The following MAPK13 variants were observed in gnomAD, a reference collection of about 807,000 sequenced individuals.
MAPK13 encodes the protein mitogen-activated protein kinase 13.
A neutral mutation model predicts 53.5 loss-of-function variants in MAPK13; 39 were observed. That is an observed-to-expected ratio of 0.73 (90% CI 0.56 to 0.95). The LOEUF (loss-of-function observed/expected upper bound fraction) is 0.95, where lower values mean the gene tolerates loss of function less well. Among genes scored for constraint, MAPK13 ranks in the 40% least tolerant of loss-of-function variants. MAPK13 has a pLI of 0.00. For missense variants in MAPK13, 460 were observed against 471.8 expected, an observed-to-expected ratio of 0.98 and a Z score of 0.23; for synonymous variants, 179 against 190.9, an observed-to-expected ratio of 0.94 and a Z score of 0.51.
chr6:36,137,071 T>G, intron 8 of MAPK13, 121 bp downstream of exon 8: 5 of 842,716 alleles, frequency 5.9e-6, no homozygotes, highest in Non-Finnish European at 9.4e-6. Flanking sequence ...TGTAGAATAA[T>G]TTGTAAATGC....
rs1233921483 is a variant in MAPK13, at chr6:36,130,536, C to G, written c.-47C>G. 2.9e-6 allele frequency: 3 copies of G among 1,027,540 alleles called. 1 individual carries two copies. In the South Asian group the frequency reaches 4.3e-5, roughly 15 times the overall value. The allele number at this position is 1,027,540 out of a possible 1,614,324, so 63.7% of individuals were successfully genotyped here. ...TCGGGGCGCTGGGAGCCCGTTGGGCCGCGAACGCAGCCGCCACGCTGGGGC... is the reference window on the plus strand; with the variant it reads ...TCGGGGCGCTGGGAGCCCGTTGGGCGGCGAACGCAGCCGCCACGCTGGGGC... On this transcript the variant is annotated 5_prime_UTR_variant, in exon 1 of 12. Transcript: ENST00000211287. This position sits in a 1 kb window ranked among gnomAD's most constrained non-coding sequence, Gnocchi z 4.5.
At position 36,141,709 on chromosome 6, in the gene MAPK13, G is replaced by C. The variant is rs983126729; in HGVS notation, c.*2336G>C. On this transcript the variant is annotated 3_prime_UTR_variant, in exon 12 of 12. Transcript: ENST00000211287. ...AAAACAAATACCCTGAGGACACAGA[G>C]ACATTGGGTCAGACACCCACAGCTA... The C allele has an allele frequency of 6.6e-6, 1 of 152,642 alleles. No homozygotes were observed. Among genetic ancestry groups the C allele is most frequent in the Non-Finnish European group, 1.5e-5 (1 of 68,406 alleles). The allele number at this position is 152,642 out of a possible 1,614,324, so 9.5% of individuals were successfully genotyped here.
chr6:36,133,696 G>A (rs1766361256), intron 3 of MAPK13, among the ~76,000 whole-genome samples: 1 of 152,196 alleles, frequency 6.6e-6, no homozygotes, highest in African/African-American at 2.4e-5. Context: ...CGAAGGTCTG[G>A]GCTAGGGATG....
chr6:36,132,586 G>A (rs752427938), intron 2 of MAPK13, 35 bp from the exon 3 acceptor site: 27 of 1,605,766 alleles, frequency 1.7e-5, no homozygotes, highest in East Asian at 6.7e-5. Context: ...AGAAGGTAGC[G>A]TCTGTCTAGC....
At chr6:36,134,489 C>T (rs1766376717) in intron 3 of MAPK13, among the ~76,000 whole-genome samples, 1 of 152,192 alleles carries the variant, frequency 6.6e-6, no homozygotes, top group Non-Finnish European at 1.5e-5. Context: ...AACTCCTAGG[C>T]TCAAGCCATC....
In MAPK13 at chr6:36,132,695, C is replaced by G. The variant is rs374292454; in HGVS notation, c.308+16C>G. 2.2e-5 allele frequency: 35 copies of G among 1,614,014 alleles called. No homozygotes were observed. The African/African-American group carries it at 4.4e-4, about 20-fold the overall frequency. On this transcript the variant is annotated intron_variant, in intron 3 of 11. Transcript: ENST00000211287. Reference sequence around the variant, plus strand: ...TCTATGACTTGTGAGTTGGGCTGCACTGGGTTCTGGGGCATTTGCAGGCCT... The same window carrying G: ...TCTATGACTTGTGAGTTGGGCTGCAGTGGGTTCTGGGGCATTTGCAGGCCT...
At position 36,139,035 on chromosome 6, in the gene MAPK13, TCA is replaced by T. The variant is rs751467835; in HGVS notation, c.1001_1002del (p.Thr334SerfsTer3). 8 of 1,603,484 alleles carry T rather than the reference TCA, an allele frequency of 5.0e-6. No homozygotes were observed. In the South Asian group the frequency reaches 5.6e-5, roughly 11 times the overall value. On this transcript the variant is annotated frameshift_variant, in exon 11 of 12. Transcript: ENST00000211287. LOFTEE classifies it high-confidence loss of function. ...GATGATTCCTTAGAACACGAGAAAC[TCA>T]CAGTGGATGAATGGAAGCGTAAGAG...
At chr6:36,132,574 G>GGA (rs1351456697) in intron 2 of MAPK13, 47 bp from the exon 3 acceptor site, 1 of 1,574,298 alleles carries the variant, frequency 6.4e-7, no homozygotes, top group Admixed American at 1.7e-5. Flanking sequence ...GGAGGTGGGA[G>GGA]GAGAAGGTAG....
At chr6:36,131,083 C>A in intron 1 of MAPK13, 188 bp from the exon 2 acceptor site, 1 of 609,928 alleles carries the variant, frequency 1.6e-6, no homozygotes, top group Non-Finnish European at 2.7e-6. Context: ...CTGCCCCTGG[C>A]GCTGTGCCCC....
Position 36,137,242 on chromosome 6 carries a change from G to A in MAPK13, c.682+292G>A, listed in dbSNP as rs180977450. On this transcript the variant is annotated intron_variant, in intron 8 of 11. Transcript: ENST00000211287. ...TAAATTAGCCAGACATGGGCCTGGC[G>A]CAGTGGCTCATGTCTGTAATCCCAG... Among the ~76,000 whole-genome samples the A allele has an allele frequency of 2.0e-3, 308 of 152,238 alleles. 3 individuals carry two copies. The highest frequency in any genetic ancestry group is 4.7e-3 in the Admixed American group (72 of 15,292).
At position 36,139,337 on chromosome 6, in the gene MAPK13, GAAGGACTC is replaced by G; in HGVS notation, c.1064_1071del (p.Lys355ThrfsTer102). The G allele has an allele frequency of 6.2e-7, 1 of 1,614,130 alleles. No homozygotes were observed. The highest frequency in any genetic ancestry group is 8.5e-7 in the Non-Finnish European group (1 of 1,180,034). On this transcript the variant is annotated frameshift_variant, in exon 12 of 12. Coordinates refer to ENST00000211287, the MANE Select transcript of MAPK13 (RefSeq NM_002754.5). LOFTEE classifies it high-confidence loss of function. ...TTGTGAACTTCAGCCCCATTGCCCG[GAAGGACTC>G]ACGGCGCCGGAGTGGCATGAAGCTG...
chr6:36,133,769 G>C (rs1470274790), intron 3 of MAPK13, among the ~76,000 whole-genome samples: 1 of 152,196 alleles, frequency 6.6e-6, no homozygotes, highest in Non-Finnish European at 1.5e-5. Flanking sequence ...GATAATTGTA[G>C]AATGTGGTAA....
At chr6:36,138,608 G>C (rs1257094727) in intron 9 of MAPK13, 94 bp from the exon 10 acceptor site, 1 of 1,371,026 alleles carries the variant, frequency 7.3e-7, no homozygotes, top group Non-Finnish European at 1.0e-6. Context: ...ACCCTGACCT[G>C]AACTTTCAGC....
rs772628857 is a variant in MAPK13 at position 36,136,523 on chromosome 6, G to A, written c.487G>A (p.Glu163Lys). 10 of 1,604,928 alleles carry A rather than the reference G, an allele frequency of 6.2e-6. No homozygotes were observed. Among genetic ancestry groups the A allele is most frequent in the Non-Finnish European group, 8.5e-6 (10 of 1,175,614 alleles). The stretch of plus-strand genomic sequence containing the variant: ...CAACCTGGCTGTGAATGAGGACTGT[G>A]AACTGAAGGTGAGTGGGCTGCAGGC... Reference protein sequence around the residue: ...PGNLAVNEDCELKILDFGLAR... With the variant: ...PGNLAVNEDCKLKILDFGLAR... The change falls in exon 6 of 12, where the codon GAA (glutamate) becomes AAA (lysine). Residue 163 changes from glutamate (E) to lysine (K), a missense_variant. Physicochemically the swap from Glu to Lys is moderately conservative, Grantham distance 56. Transcript: ENST00000211287.
Position 36,130,997 on chromosome 6 carries a change from G to C in MAPK13, c.120-274G>C, listed in dbSNP as rs138076763. On this transcript the variant is annotated intron_variant, in intron 1 of 11. Transcript: ENST00000211287. This position sits in a 1 kb window ranked among gnomAD's most constrained non-coding sequence, Gnocchi z 4.5. ...AGACGAGTACACCGAGGCCCCAAGA[G>C]GGGGAGGTGGCTCGCCAAGTTGCAG... 2,466 of 527,666 alleles carry C rather than the reference G, an allele frequency of 4.7e-3. 9 individuals are homozygous for C. The highest frequency in any genetic ancestry group is 5.9e-3 in the Non-Finnish European group (1,759 of 296,436). 32.7% of individuals were successfully genotyped at this position (527,666 alleles called of 1,614,324 possible).
intron 8 of MAPK13, 86 bp downstream of exon 8, chr6:36,137,036 T>G: frequency 1.7e-6 from 2 of 1,199,336 alleles, no homozygotes; most frequent in Admixed American, 3.7e-5. Flanking sequence ...TTTTTTTTCT[T>G]AATGTGAGAG....
rs975215409 is a variant in MAPK13 at position 36,143,679 on chromosome 6, C to T, written c.*4306C>T. 1.3e-5 allele frequency: 2 copies of T among 152,206 alleles called. No individual in the cohort carries two copies. The highest frequency in any genetic ancestry group is 2.4e-5 in the African/African-American group (1 of 41,440). 9.4% of individuals were successfully genotyped at this position (152,206 alleles called of 1,614,324 possible). A position where few individuals can be genotyped will look rare whatever the true frequency, so the allele number is the denominator to read the frequency against. On this transcript the variant is annotated 3_prime_UTR_variant, in exon 12 of 12. Coordinates refer to ENST00000211287, the MANE Select transcript of MAPK13 (RefSeq NM_002754.5). Reference sequence around the variant, plus strand: ...TCATTACACAGTGAACTCATGTGCTCTATCTGCATTCCCCCTAAATCCTCC... The same window carrying T: ...TCATTACACAGTGAACTCATGTGCTTTATCTGCATTCCCCCTAAATCCTCC...
At chr6:36,139,082 C>T (rs761556931) in intron 11 of MAPK13, 27 bp downstream of exon 11, 25 of 1,550,786 alleles carry the variant, frequency 1.6e-5, no homozygotes, top group African/African-American at 5.5e-5. Flanking sequence ...CGGGCTTCCT[C>T]GCCTCCGCCT....
intron 9 of MAPK13, 50 bp from the exon 10 acceptor site, chr6:36,138,652 A>G (rs1360142373): frequency 3.2e-6 from 5 of 1,556,434 alleles, no homozygotes; most frequent in Non-Finnish European, 4.4e-6. Context: ...TCCCTGCTCT[A>G]CACGCTGAGG....
Sources: gnomAD v4.1 joint callset for allele counts (sites outside exome capture counted in the v4.1 genomes callset) on GRCh38, gnomAD v4.1.1 for gene constraint, Gnocchi (gnomAD v3.1) non-coding constraint, MANE v1.5 for transcripts, NCBI Gene and HGNC (gene_info 2026-07-23, HGNC 2026-07-21) for gene names.